The following GNA12 variants were observed in gnomAD, a reference collection of about 807,000 sequenced individuals.
The protein encoded by GNA12 is guanine nucleotide-binding protein subunit alpha-12.
GNA12 carries 9 observed loss-of-function variants against 26.0 expected under a neutral mutation model. That is an observed-to-expected ratio of 0.35 (90% CI 0.21 to 0.60). The LOEUF (loss-of-function observed/expected upper bound fraction) is 0.60. Ranked by LOEUF, GNA12 falls within the 20% of genes least tolerant of loss-of-function variation. GNA12 has a pLI of 0.78. For missense variants in GNA12, 405 were observed against 525.8 expected, an observed-to-expected ratio of 0.77 and a Z score of 2.25; for synonymous variants, 264 against 219.6, an observed-to-expected ratio of 1.20 and a Z score of -1.79.
At chr7:2,835,602 G>C in intron 1 of GNA12, 1 of 653,082 alleles carries the variant, frequency 1.5e-6, no homozygotes. Flanking sequence ...ATTGTCTCAT[G>C]CTGTTCTCCA....
At chr7:2,746,138 A>G (rs1257414947) in intron 2 of GNA12, among the ~76,000 whole-genome samples, 9 of 152,228 alleles carry the variant, frequency 5.9e-5, no homozygotes, top group Non-Finnish European at 1.0e-4. Flanking sequence ...AAGGATACCC[A>G]GGAATTGAAT....
At chr7:2,811,652 G>T (rs1485863315) in intron 1 of GNA12, among the ~76,000 whole-genome samples, 2 of 152,226 alleles carry the variant, frequency 1.3e-5, no homozygotes, top group Non-Finnish European at 2.9e-5. Context: ...TGCAAAACCA[G>T]AAGCGCTTCC....
intron 1 of GNA12, among the ~76,000 whole-genome samples, chr7:2,818,220 A>C (rs1438063910): frequency 6.6e-6 from 1 of 152,202 alleles, no homozygotes; most frequent in Non-Finnish European, 1.5e-5. Context: ...CATAGAACAA[A>C]GTTTGTTTAC....
At chr7:2,810,792 G>A (rs1393055479) in intron 1 of GNA12, among the ~76,000 whole-genome samples, 1 of 152,194 alleles carries the variant, frequency 6.6e-6, no homozygotes, top group African/African-American at 2.4e-5. Flanking sequence ...CAGCTACGTG[G>A]GAGGTTGAGG....
chr7:2,760,798 G>C (rs988189924), intron 2 of GNA12, among the ~76,000 whole-genome samples: 1 of 152,234 alleles, frequency 6.6e-6, no homozygotes, highest in Admixed American at 6.5e-5. Context: ...GACCGTCCCA[G>C]CTGCGTGGCT....
chr7:2,795,755 G>A (rs1792652990), intron 1 of GNA12, among the ~76,000 whole-genome samples: 4 of 151,876 alleles, frequency 2.6e-5, no homozygotes, highest in Admixed American at 2.6e-4. Context: ...TGGGCGGGGA[G>A]GAGGTGGCAA....
At chr7:2,774,862 A>C (rs2115426529) in intron 2 of GNA12, among the ~76,000 whole-genome samples, 1 of 152,240 alleles carries the variant, frequency 6.6e-6, no homozygotes, top group African/African-American at 2.4e-5. Context: ...CCACCTTCTT[A>C]CCTGGGGTTG....
At chr7:2,777,205 C>A (rs1232652999) in intron 2 of GNA12, among the ~76,000 whole-genome samples, 1 of 152,134 alleles carries the variant, frequency 6.6e-6, no homozygotes, top group Non-Finnish European at 1.5e-5. Context: ...TCCTTTCAAA[C>A]GTGGACGCTT....
At chr7:2,744,188 G>A (rs968254112) in intron 2 of GNA12, among the ~76,000 whole-genome samples, 9 of 152,220 alleles carry the variant, frequency 5.9e-5, no homozygotes, top group African/African-American at 1.2e-4. Flanking sequence ...CTCCCAGCAC[G>A]CAGCTGGAGA....
chr7:2,827,730 G>A (rs953600447), intron 1 of GNA12, among the ~76,000 whole-genome samples: 1 of 152,276 alleles, frequency 6.6e-6, no homozygotes, highest in African/African-American at 2.4e-5. Context: ...TATAATGAAG[G>A]AAAGAATCAC....
At chr7:2,811,056 T>C (rs1326810494) in intron 1 of GNA12, among the ~76,000 whole-genome samples, 1 of 152,170 alleles carries the variant, frequency 6.6e-6, no homozygotes, top group Non-Finnish European at 1.5e-5. Context: ...AGATGCTTCC[T>C]GAGTCGTCAA....
At chr7:2,778,101 C>G (rs1248138651) in intron 2 of GNA12, among the ~76,000 whole-genome samples, 1 of 152,140 alleles carries the variant, frequency 6.6e-6, no homozygotes, top group East Asian at 1.9e-4. Context: ...ATAGTCTTTT[C>G]CAAAGACTCG....
chr7:2,790,467 C>G (rs1418962538), intron 2 of GNA12, among the ~76,000 whole-genome samples: 1 of 152,198 alleles, frequency 6.6e-6, no homozygotes. Context: ...GCATGTCTGT[C>G]TGTCCTACCG....
In GNA12 at chr7:2,765,933, C is replaced by A. The variant is rs144743884; in HGVS notation, c.525+28995G>T. Among the ~76,000 whole-genome samples, 194 of 149,954 alleles carry A rather than the reference C, an allele frequency of 1.3e-3. 1 individual carries two copies. Among genetic ancestry groups the A allele is most frequent in the African/African-American group, 4.4e-3 (182 of 41,092 alleles). ...CTGGGATTACAGGCGCGAGCCACTG[C>A]GCCCGGCTCCACATCCACTTTTTTA... On this transcript the variant is annotated intron_variant, in intron 2 of 3. Transcript: ENST00000275364.
intron 1 of GNA12, among the ~76,000 whole-genome samples, chr7:2,831,701 C>T (rs912780613): frequency 2.3e-4 from 35 of 152,024 alleles, no homozygotes; most frequent in Admixed American, 8.5e-4. Context: ...CCGCGCCCCG[C>T]CTGGAACTTC....
At chr7:2,739,367 C>T (rs970609440) in intron 2 of GNA12, among the ~76,000 whole-genome samples, 10 of 152,284 alleles carry the variant, frequency 6.6e-5, no homozygotes, top group East Asian at 1.9e-4. Flanking sequence ...CTCATTGGAG[C>T]GCATTCACAC....
chr7:2,759,909 C>T (rs1451336480), intron 2 of GNA12, among the ~76,000 whole-genome samples: 1 of 152,218 alleles, frequency 6.6e-6, no homozygotes, highest in Non-Finnish European at 1.5e-5. Flanking sequence ...AAAAGCTCCG[C>T]TCCCTGCTTT....
At chr7:2,737,306 T>A (rs1790256552) in intron 2 of GNA12, among the ~76,000 whole-genome samples, 1 of 127,540 alleles carries the variant, frequency 7.8e-6, no homozygotes, top group Non-Finnish European at 1.6e-5. Context: ...TTTTTTTTTT[T>A]GAGATGGAGT....
intron 2 of GNA12, among the ~76,000 whole-genome samples, chr7:2,754,100 A>C (rs1231391568): frequency 1.3e-5 from 2 of 152,172 alleles, no homozygotes; most frequent in Non-Finnish European, 2.9e-5. Context: ...GATGAATGAG[A>C]CCCAGCTTCT....
Sources: allele counts gnomAD v4.1 joint callset (sites outside exome capture counted in the v4.1 genomes callset), GRCh38; gene constraint gnomAD v4.1.1; transcripts MANE v1.5; gene names NCBI Gene and HGNC (gene_info 2026-07-23, HGNC 2026-07-21).